The following MMP26 variants were observed in gnomAD, a reference collection of about 807,000 sequenced individuals.
MMP26 encodes the protein matrix metalloproteinase-26.
In MMP26, 33 loss-of-function variants were observed where a neutral mutation model predicts 31.0. That is an observed-to-expected ratio of 1.06 (90% confidence interval 0.81 to 1.42). MMP26 has a LOEUF of 1.42. Ranked by LOEUF, MMP26 falls within the 40% of genes most tolerant of loss-of-function variation. The pLI, the probability that MMP26 is intolerant of heterozygous loss-of-function variation, is 0.00. For missense variants in MMP26, 347 were observed against 316.1 expected (o/e 1.10, Z -0.74); for synonymous variants, 122 against 114.9 (o/e 1.06, Z -0.40).
chr11:4,964,351 C>T (rs1029921991), intron 2 of MMP26, among the ~76,000 whole-genome samples: 5 of 152,032 alleles, frequency 3.3e-5, no homozygotes, highest in African/African-American at 1.2e-4. Flanking sequence ...TTTCCTAGCA[C>T]CATTTATTAA....
At chr11:4,961,971 C>A (rs1846526778) in intron 2 of MMP26, among the ~76,000 whole-genome samples, 1 of 152,138 alleles carries the variant, frequency 6.6e-6, no homozygotes, top group Non-Finnish European at 1.5e-5. Flanking sequence ...GCATTTTCAA[C>A]ATTATAAAAT....
intron 2 of MMP26, among the ~76,000 whole-genome samples, chr11:4,850,297 A>G (rs1049266199): frequency 6.6e-6 from 1 of 152,202 alleles, no homozygotes; most frequent in Non-Finnish European, 1.5e-5. Context: ...CTTAACAGAC[A>G]CATCTTAATG....
rs1279702701 is a variant in MMP26, at chr11:4,821,765, G to C, written c.-145+54424G>C. The C allele has an allele frequency of 3.1e-6, 5 of 1,613,820 alleles. No individual in the cohort carries two copies. The African/African-American group carries it at 4.0e-5, about 13-fold the overall frequency. On this transcript the variant is annotated intron_variant, in intron 2 of 7. Coordinates refer to ENST00000380390, the MANE Select transcript of MMP26 (RefSeq NM_021801.5). ...CACGGATTTACTTTCATGGAGTCTG[G>C]GGTTCTACTGGCCATGGCCTTTGAT...
At chr11:4,933,773 T>A (rs1252377849) in intron 2 of MMP26, among the ~76,000 whole-genome samples, 1 of 141,780 alleles carries the variant, frequency 7.1e-6, no homozygotes, top group African/African-American at 2.6e-5. Flanking sequence ...CCTTCCTGTG[T>A]CCATGTGATC....
intron 2 of MMP26, among the ~76,000 whole-genome samples, chr11:4,806,530 G>T (rs1849272841): frequency 6.6e-6 from 1 of 152,082 alleles, no homozygotes; most frequent in Non-Finnish European, 1.5e-5. Context: ...TTTTATCAGA[G>T]ACTAGGATTG....
At chr11:4,705,982 GGTGGTGGT>G (rs1847770936) in intron 1 of MMP26, among the ~76,000 whole-genome samples, 1 of 149,820 alleles carries the variant, frequency 6.7e-6, no homozygotes, top group Admixed American at 6.6e-5. Context: ...GGGTGGTGGT[GGTGGTGGT>G]GGGGGGAGCT....
intron 5 of MMP26, among the ~76,000 whole-genome samples, chr11:4,990,996 G>A (rs983431033): frequency 2.6e-5 from 4 of 152,124 alleles, no homozygotes; most frequent in Admixed American, 6.5e-5. Flanking sequence ...CCAAAAAGAC[G>A]ATGCATAGCT....
chr11:4,839,215 A>C (rs1277294054), intron 2 of MMP26, among the ~76,000 whole-genome samples: 1 of 152,208 alleles, frequency 6.6e-6, no homozygotes, highest in African/African-American at 2.4e-5. Context: ...TCACCACCAC[A>C]GACCAAAGTG....
At chr11:4,912,146 A>C (rs1181571758) in intron 2 of MMP26, among the ~76,000 whole-genome samples, 10 of 152,214 alleles carry the variant, frequency 6.6e-5, no homozygotes, top group Admixed American at 6.5e-4. Context: ...TGTGAATAAA[A>C]GAACATGCTA....
chr11:4,890,124 A>T (rs2133547707), intron 2 of MMP26: 1 of 152,160 alleles, frequency 6.6e-6, no homozygotes, highest in African/African-American at 2.4e-5. Context: ...TTTCTCTTTT[A>T]ATGAGAAACA....
At chr11:4,777,657 T>C (rs1848806652) in intron 2 of MMP26, among the ~76,000 whole-genome samples, 1 of 152,164 alleles carries the variant, frequency 6.6e-6, no homozygotes, top group South Asian at 2.1e-4. Flanking sequence ...CTCTCCTCAC[T>C]TCTATCCAAA....
intron 2 of MMP26, among the ~76,000 whole-genome samples, chr11:4,975,225 TTACC>T (rs1417329042): frequency 2.6e-5 from 4 of 152,018 alleles, no homozygotes; most frequent in Non-Finnish European, 5.9e-5. Context: ...AAGATAATAT[TTACC>T]TAGAGTTTGG....
chr11:4,771,794 T>C (rs1848725765), intron 2 of MMP26, among the ~76,000 whole-genome samples: 1 of 152,192 alleles, frequency 6.6e-6, no homozygotes, highest in East Asian at 1.9e-4. Context: ...CTGAGAAACA[T>C]TATGAAAATA....
chr11:4,902,476 A>G (rs929820704), intron 2 of MMP26, among the ~76,000 whole-genome samples: 7 of 152,160 alleles, frequency 4.6e-5, no homozygotes, highest in East Asian at 1.9e-4. Context: ...GCTGTGTAGT[A>G]TTCCCTGGTG....
rs766052920 is a variant in MMP26, at chr11:4,724,198, G to A, written c.-217+19153G>A. 21 of 505,954 alleles carry A rather than the reference G, an allele frequency of 4.2e-5. No individual in the cohort carries two copies. In the South Asian group the frequency reaches 5.1e-4, roughly 12 times the overall value. 31.3% of individuals were successfully genotyped at this position (505,954 alleles called of 1,614,324 possible). A position where few individuals can be genotyped will look rare whatever the true frequency, so the allele number is the denominator to read the frequency against. On this transcript the variant is annotated intron_variant, in intron 1 of 7. Coordinates refer to ENST00000380390, the MANE Select transcript of MMP26 (RefSeq NM_021801.5). ...GGTAGAGGCAGGAGTGGAGGCAGGC[G>A]ATGGGCCTGTGAACCAGGTGGATGG...
intron 2 of MMP26, among the ~76,000 whole-genome samples, chr11:4,974,872 C>G (rs1846715244): frequency 6.6e-6 from 1 of 152,008 alleles, no homozygotes. Context: ...CCAAACACCG[C>G]ATGTTCTCAC....
At chr11:4,929,536 A>G (rs1851318325) in intron 2 of MMP26, among the ~76,000 whole-genome samples, 1 of 152,200 alleles carries the variant, frequency 6.6e-6, no homozygotes, top group Non-Finnish European at 1.5e-5. Context: ...TGCTGAAGGT[A>G]GATTCACATG....
intron 1 of MMP26, among the ~76,000 whole-genome samples, chr11:4,726,113 C>T (rs1848095415): frequency 6.6e-6 from 1 of 152,130 alleles, no homozygotes; most frequent in African/African-American, 2.4e-5. Context: ...CAAAAGAAGT[C>T]CAAGAGAAGC....
At chr11:4,722,435 A>G (rs1026427476) in intron 1 of MMP26, among the ~76,000 whole-genome samples, 2 of 145,876 alleles carry the variant, frequency 1.4e-5, no homozygotes, top group East Asian at 2.0e-4. Context: ...ATAGATGCCA[A>G]TTGGTTTTTC....
Sources: gnomAD v4.1 joint callset for allele counts (sites outside exome capture counted in the v4.1 genomes callset) on GRCh38, gnomAD v4.1.1 for gene constraint, MANE v1.5 for transcripts, NCBI Gene and HGNC (gene_info 2026-07-23, HGNC 2026-07-21) for gene names.